RILPL1: variants seen among roughly 807,000 people sequenced by gnomAD.
The protein encoded by RILPL1 is RILP-like protein 1.
Under a neutral mutation model 50.3 loss-of-function variants are expected in RILPL1, and 33 were observed. The observed-to-expected ratio is 0.66, with a 90% CI of 0.50 to 0.88. RILPL1 has a LOEUF of 0.88. RILPL1 is among the 40% of genes least tolerant of loss of function. The pLI is 0.00. For missense variants in RILPL1, 418 were observed against 542.5 expected, an observed-to-expected ratio of 0.77 and a Z score of 2.28; for synonymous variants, 205 against 228.6, an observed-to-expected ratio of 0.90 and a Z score of 0.93.
chr12:123,475,624 G>A (rs368111709), intron 6 of RILPL1: 9 of 1,335,838 alleles, frequency 6.7e-6, no homozygotes, highest in Non-Finnish European at 8.4e-6. Context: ...ATTCCAAGGG[G>A]GCAGCTCAAA....
chr12:123,474,822 G>T (rs1881482750), intron 6 of RILPL1: 1 of 152,222 alleles, frequency 6.6e-6, no homozygotes, highest in East Asian at 1.9e-4. Flanking sequence ...CCCTCTGTTT[G>T]CTGGTTGCTA....
In RILPL1 at chr12:123,485,657, T is replaced by C; in HGVS notation, c.950A>G (p.Gln317Arg). 1 of 1,613,796 alleles carries C rather than the reference T, an allele frequency of 6.2e-7. No individual in the cohort carries two copies. The highest frequency in any genetic ancestry group is 8.5e-7 in the Non-Finnish European group (1 of 1,179,772). ...NELKSKVFLL[Q>R]EELAYYKSEE... The stretch of plus-strand genomic sequence containing the variant: ...CCTCTTATAGTAAGCCAGCTCCTCC[T>C]GCAGCAAGAACACCTTGGACTTGAG... Residue 317 changes from glutamine to arginine, a missense_variant, in exon 5 of 7, where the codon CAG (glutamine) becomes CGG (arginine). Transcript: ENST00000376874. The surrounding 1 kb of genome is among the most constrained non-coding windows in gnomAD (Gnocchi z 4.0).
intron 2 of RILPL1, among the ~76,000 whole-genome samples, chr12:123,501,305 C>T (rs1438129993): frequency 2.0e-5 from 3 of 151,166 alleles, no homozygotes; most frequent in South Asian, 2.1e-4. Context: ...ACTAGCCAAG[C>T]GTGGTGGTGT....
At chr12:123,506,076 G>A (rs1255839943) in intron 2 of RILPL1, among the ~76,000 whole-genome samples, 1 of 152,226 alleles carries the variant, frequency 6.6e-6, no homozygotes, top group Non-Finnish European at 1.5e-5. Flanking sequence ...GTGCCGTGAC[G>A]GATGTGACAG....
chr12:123,531,430 T>C (rs1370491440), intron 1 of RILPL1, among the ~76,000 whole-genome samples: 1 of 151,978 alleles, frequency 6.6e-6, no homozygotes, highest in African/African-American at 2.4e-5. Context: ...TGCCAGGACT[T>C]CTGTGTGATC....
intron 2 of RILPL1, among the ~76,000 whole-genome samples, chr12:123,501,050 G>A (rs1214456243): frequency 6.6e-6 from 1 of 152,004 alleles, no homozygotes; most frequent in African/African-American, 2.4e-5. Flanking sequence ...GGAGGTTGCA[G>A]TGAGCCGAGA....
rs1566117042 is a variant in RILPL1 at position 123,485,396 on chromosome 12, G to A, written c.974+237C>T. On this transcript the variant is annotated intron_variant, in intron 5 of 6. Coordinates refer to ENST00000376874, the MANE Select transcript of RILPL1 (RefSeq NM_178314.5). The surrounding 1 kb of genome is among the most constrained non-coding windows in gnomAD (Gnocchi z 4.0). ...ATGCCTGGGATCAAGCAATCTTCCC[G>A]CCTCGGCCTCCCAAAATACTGGAAT... Among the ~76,000 whole-genome samples the A allele has an allele frequency of 6.6e-6, 1 of 152,102 alleles. No homozygotes were observed. The highest frequency in any genetic ancestry group is 1.5e-5 in the Non-Finnish European group (1 of 68,030).
rs1015285739 is a variant in RILPL1 at position 123,533,090 on chromosome 12, G to T, written c.309+84C>A. On this transcript the variant is annotated intron_variant, in intron 1 of 6. Transcript: ENST00000376874. The surrounding 1 kb of genome is among the most constrained non-coding windows in gnomAD (Gnocchi z 6.2). ...CCGGTCCCTGAACACACACACGTGC[G>T]CACCCACAGCTGCCCAATGCGGAAG... The T allele has an allele frequency of 7.5e-7, 1 of 1,337,446 alleles. No homozygotes were observed. The highest frequency in any genetic ancestry group is 2.5e-5 in the East Asian group (1 of 39,394). 82.8% of individuals were successfully genotyped at this position (1,337,446 alleles called of 1,614,324 possible). A position where few individuals can be genotyped will look rare whatever the true frequency, so the allele number is the denominator to read the frequency against.
chr12:123,495,893 C>G (rs1311084578), intron 4 of RILPL1, among the ~76,000 whole-genome samples: 2 of 151,490 alleles, frequency 1.3e-5, no homozygotes, highest in Non-Finnish European at 2.9e-5. Flanking sequence ...GTTAGCCAGG[C>G]TGGTCTTGAA....
At chr12:123,531,286 T>C (rs7131874) in intron 1 of RILPL1, among the ~76,000 whole-genome samples, 1 of 152,132 alleles carries the variant, frequency 6.6e-6, no homozygotes, top group Admixed American at 6.6e-5. Flanking sequence ...AGCTGAACAC[T>C]TTCCAGAGGC....
intron 1 of RILPL1, among the ~76,000 whole-genome samples, chr12:123,530,427 A>G (rs766016968): frequency 6.6e-6 from 1 of 152,196 alleles, no homozygotes; most frequent in Non-Finnish European, 1.5e-5. Context: ...TGGCCCCCCA[A>G]AAGTGCTGGG....
chr12:123,495,141 A>G (rs1053255904), intron 4 of RILPL1, among the ~76,000 whole-genome samples: 2 of 152,092 alleles, frequency 1.3e-5, no homozygotes, highest in African/African-American at 4.8e-5. Context: ...CTGGGACTCT[A>G]GGGAAAGAGG....
chr12:123,512,002 T>C (rs538690759), intron 2 of RILPL1, among the ~76,000 whole-genome samples: 1 of 138,122 alleles, frequency 7.2e-6, no homozygotes, highest in Admixed American at 7.3e-5. Flanking sequence ...GTGTGAGATC[T>C]GTATGTGTGA....
chr12:123,512,395 G>C (rs1884371288), intron 2 of RILPL1, among the ~76,000 whole-genome samples: 1 of 137,432 alleles, frequency 7.3e-6, no homozygotes, highest in African/African-American at 2.8e-5. Flanking sequence ...TGTGTGTGTG[G>C]TGTGTGAGGT....
In RILPL1 at chr12:123,533,380, C is replaced by A; in HGVS notation, c.103G>T (p.Gly35Cys). Residue 35 changes from glycine to cysteine, a missense_variant, in exon 1 of 7, where the codon GGC (glycine) becomes TGC (cysteine). Physicochemically the swap from Gly to Cys is radical, Grantham distance 159. Coordinates refer to ENST00000376874, the MANE Select transcript of RILPL1 (RefSeq NM_178314.5). The surrounding 1 kb of genome is among the most constrained non-coding windows in gnomAD (Gnocchi z 6.2). The stretch of plus-strand genomic sequence containing the variant: ...TCAATGACCCGCTCGAACTCGTGGC[C>A]CACAAGCGACGCGATGTCGTACACG... Reference protein sequence around the residue: ...MDVYDIASLVGHEFERVIDQH... With the variant: ...MDVYDIASLVCHEFERVIDQH... 1 of 1,564,568 alleles carries A rather than the reference C, an allele frequency of 6.4e-7. No homozygotes were observed. The highest frequency in any genetic ancestry group is 1.2e-5 in the South Asian group (1 of 85,272).
chr12:123,511,279 A>C (rs1481450196), intron 2 of RILPL1, among the ~76,000 whole-genome samples: 1 of 65,846 alleles, frequency 1.5e-5, no homozygotes, highest in Admixed American at 1.8e-4. Context: ...TGGTGTGTGC[A>C]GTGTGAGTGT....
Position 123,485,741 on chromosome 12 carries a change from G to A in RILPL1, c.866C>T (p.Pro289Leu). 1.2e-6 allele frequency: 2 copies of A among 1,613,022 alleles called. No individual in the cohort carries two copies. The highest frequency in any genetic ancestry group is 1.7e-6 in the Non-Finnish European group (2 of 1,179,514). ...CTGCAGGGTGAACCGGGGGCGGTTG[G>A]GGTCCTTGAGATCCATGGCCACCTT... ...AEKVAMDLKD[P>L]NRPRFTLQEL... The change falls in exon 5 of 7, where the codon CCC becomes CTC. Residue 289 changes from proline (P) to leucine (L), a missense_variant. Coordinates refer to ENST00000376874, the MANE Select transcript of RILPL1 (RefSeq NM_178314.5). The surrounding 1 kb of genome is among the most constrained non-coding windows in gnomAD (Gnocchi z 4.0).
In RILPL1 at chr12:123,492,254, A is replaced by C. The variant is rs148505589; in HGVS notation, c.801+6290T>G. On this transcript the variant is annotated intron_variant, in intron 4 of 6. Transcript: ENST00000376874. ...AAAAAAATATATATATATACATATA[A>C]TCTGTGAAAGGCAGGAAACCTTGAG... Among the ~76,000 whole-genome samples, 79 of 151,854 alleles carry C rather than the reference A, an allele frequency of 5.2e-4. 1 individual carries two copies. The highest frequency in any genetic ancestry group is 1.9e-3 in the African/African-American group (77 of 41,406).
intron 6 of RILPL1, 97 bp from the exon 7 acceptor site, chr12:123,472,779 A>G: frequency 7.6e-7 from 1 of 1,319,616 alleles, no homozygotes; most frequent in Non-Finnish European, 1.0e-6. Context: ...GCAAACTTAG[A>G]AGGGAGCAAA....
Sources: gnomAD v4.1 joint callset for allele counts (sites outside exome capture counted in the v4.1 genomes callset) on GRCh38, gnomAD v4.1.1 for gene constraint, Gnocchi (gnomAD v3.1) non-coding constraint, MANE v1.5 for transcripts, NCBI Gene and HGNC (gene_info 2026-07-23, HGNC 2026-07-21) for gene names.